The following ANO2 variants were observed in gnomAD, a reference collection of about 807,000 sequenced individuals.
The protein encoded by ANO2 is anoctamin 2.
ANO2 carries 101 observed loss-of-function variants against 124.2 expected under a neutral mutation model. The ratio of observed to expected loss-of-function variants is 0.81; its 90% CI spans 0.69 to 0.96. The LOEUF is 0.96. Ranked by LOEUF, ANO2 falls within the 40% of genes least tolerant of loss-of-function variation. The probability of loss-of-function intolerance (pLI) is 0.00; values close to 1 mark genes in which losing one functional copy is unlikely to be tolerated. For missense variants in ANO2, 1,293 were observed against 1,274.5 expected (o/e 1.01, Z -0.22); for synonymous variants, 486 against 482.5 (o/e 1.01, Z -0.09).
chr12:5,882,434 G>A (rs1938567113), intron 3 of ANO2, among the ~76,000 whole-genome samples: 3 of 152,198 alleles, frequency 2.0e-5, no homozygotes, highest in Admixed American at 1.3e-4. Context: ...GAGAGGCATG[G>A]ACTTTAATGG....
At chr12:5,878,519 T>C (rs1383018638) in intron 3 of ANO2, among the ~76,000 whole-genome samples, 1 of 152,250 alleles carries the variant, frequency 6.6e-6, no homozygotes, top group Non-Finnish European at 1.5e-5. Flanking sequence ...AATTATAAGA[T>C]AGATGCATGC....
At chr12:5,563,633 G>A in intron 24 of ANO2, 65 bp from the exon 25 acceptor site, 1 of 1,582,282 alleles carries the variant, frequency 6.3e-7, no homozygotes, top group African/African-American at 1.3e-5. Flanking sequence ...TGGCGGCCCT[G>A]GAGCAGAATG....
chr12:5,599,195 C>CT (rs1168723953), intron 20 of ANO2, among the ~76,000 whole-genome samples: 1 of 152,124 alleles, frequency 6.6e-6, no homozygotes, highest in Non-Finnish European at 1.5e-5. Flanking sequence ...AGAGATCAAA[C>CT]TTTAGTTTAT....
At chr12:5,796,707 G>A (rs151229351) in intron 10 of ANO2, among the ~76,000 whole-genome samples, 1,751 of 152,316 alleles carry the variant, frequency 0.011, 20 homozygotes, top group Non-Finnish European at 0.018. Flanking sequence ...CCGGGTGGAG[G>A]CAGGGGCCAG....
chr12:5,632,274 C>G (rs1591779555), intron 16 of ANO2, among the ~76,000 whole-genome samples: 1 of 151,930 alleles, frequency 6.6e-6, no homozygotes, highest in African/African-American at 2.4e-5. Context: ...ACCCAACACA[C>G]CACTTCAGTA....
At chr12:5,757,336 A>G (rs555300987) in intron 10 of ANO2, among the ~76,000 whole-genome samples, 2 of 152,272 alleles carry the variant, frequency 1.3e-5, no homozygotes, top group South Asian at 4.1e-4. Flanking sequence ...AAGAAAATTT[A>G]CCAACTCATA....
chr12:5,895,682 G>C (rs534614722), intron 3 of ANO2, among the ~76,000 whole-genome samples: 1 of 152,086 alleles, frequency 6.6e-6, no homozygotes, highest in South Asian at 2.1e-4. Context: ...TACACTGCTG[G>C]TGGGATGTAA....
chr12:5,877,990 G>A (rs753814576), intron 3 of ANO2, among the ~76,000 whole-genome samples: 1 of 152,194 alleles, frequency 6.6e-6, no homozygotes, highest in Non-Finnish European at 1.5e-5. Flanking sequence ...CCACGGCCGG[G>A]GGGTTGGAGA....
At chr12:5,721,570 A>T (rs890898878) in intron 14 of ANO2, among the ~76,000 whole-genome samples, 2 of 152,084 alleles carry the variant, frequency 1.3e-5, no homozygotes, top group African/African-American at 4.8e-5. Context: ...CAGTGGCACA[A>T]TCACAGCTAA....
intron 3 of ANO2, among the ~76,000 whole-genome samples, chr12:5,899,722 T>G (rs1591761978): frequency 6.6e-6 from 1 of 152,352 alleles, no homozygotes; most frequent in Middle Eastern, 3.4e-3. Flanking sequence ...CAGATAACTG[T>G]TCTTAGAACC....
chr12:5,850,330 T>C (rs4764508), intron 4 of ANO2, among the ~76,000 whole-genome samples: 142,171 of 151,046 alleles, frequency 0.94, 67,519 homozygotes, highest in East Asian at 1. Flanking sequence ...GCAAGAGAAT[T>C]GCTTCAGCCC....
chr12:5,899,876 G>A (rs2136280145), intron 3 of ANO2, among the ~76,000 whole-genome samples: 1 of 152,212 alleles, frequency 6.6e-6, no homozygotes, highest in East Asian at 1.9e-4. Flanking sequence ...CCAGATCAGG[G>A]AGGAGGGATG....
intron 10 of ANO2, among the ~76,000 whole-genome samples, chr12:5,765,191 AT>A (rs1951853609): frequency 6.6e-6 from 1 of 152,214 alleles, no homozygotes; most frequent in South Asian, 2.1e-4. Flanking sequence ...AAGGTTAAAA[AT>A]TCCAATGCCC....
At chr12:5,751,484 A>T (rs937315490) in intron 10 of ANO2, among the ~76,000 whole-genome samples, 2 of 152,176 alleles carry the variant, frequency 1.3e-5, no homozygotes, top group Admixed American at 6.5e-5. Flanking sequence ...AATATTAGTA[A>T]TGGTTTCTTT....
intron 14 of ANO2, among the ~76,000 whole-genome samples, chr12:5,661,300 G>A (rs1036926739): frequency 6.6e-6 from 1 of 152,164 alleles, no homozygotes; most frequent in Admixed American, 6.5e-5. Context: ...CCCACAGACT[G>A]GAGAACGGAA....
intron 20 of ANO2, among the ~76,000 whole-genome samples, chr12:5,581,960 A>C (rs1420088117): frequency 6.6e-6 from 1 of 152,258 alleles, no homozygotes; most frequent in African/African-American, 2.4e-5. Flanking sequence ...GGGAGAATAA[A>C]ACATAAAACC....
intron 14 of ANO2, among the ~76,000 whole-genome samples, chr12:5,694,650 T>A (rs1265770046): frequency 6.6e-6 from 1 of 152,206 alleles, no homozygotes; most frequent in African/African-American, 2.4e-5. Context: ...CATCAGAATA[T>A]CGATTTCAAA....
At chr12:5,628,681 TGTGTGTGC>T (rs1565493513) in intron 16 of ANO2, among the ~76,000 whole-genome samples, 1 of 151,826 alleles carries the variant, frequency 6.6e-6, no homozygotes, top group Non-Finnish European at 1.5e-5. Context: ...TGTGTGTGTG[TGTGTGTGC>T]GCGCGCGCAC....
chr12:5,777,976 T>C (rs1027744171), intron 10 of ANO2, among the ~76,000 whole-genome samples: 1 of 152,222 alleles, frequency 6.6e-6, no homozygotes, highest in Non-Finnish European at 1.5e-5. Context: ...GGTGTCCAGC[T>C]GTTCCCCATC....
Sources: gnomAD v4.1 joint callset for allele counts (sites outside exome capture counted in the v4.1 genomes callset) on GRCh38, gnomAD v4.1.1 for gene constraint, MANE v1.5 for transcripts, NCBI Gene and HGNC (gene_info 2026-07-23, HGNC 2026-07-21) for gene names.